The following SLC22A9 variants were observed in gnomAD, a reference collection of about 807,000 sequenced individuals.
The protein encoded by SLC22A9 is solute carrier family 22 member 9, also known as organic anion transporter 7.
In SLC22A9, 64 loss-of-function variants were observed where a neutral mutation model predicts 50.1. That is an observed-to-expected ratio of 1.28 (90% CI 1.04 to 1.57). SLC22A9 has a LOEUF of 1.57. SLC22A9 is among the 40% of genes most tolerant of loss of function. The pLI, the probability that SLC22A9 is intolerant of heterozygous loss-of-function variation, is 0.00. For synonymous variants in SLC22A9, 261 were observed against 242.5 expected, an observed-to-expected ratio of 1.08 and a Z score of -0.71; for missense variants, 757 against 676.1, an observed-to-expected ratio of 1.12 and a Z score of -1.33.
intron 6 of SLC22A9, among the ~76,000 whole-genome samples, chr11:63,382,579 G>T (rs558406605): frequency 6.6e-6 from 1 of 152,118 alleles, no homozygotes; most frequent in Non-Finnish European, 1.5e-5. Flanking sequence ...TTTGTTTCCA[G>T]TTTTAATGAG....
chr11:63,397,092 A>AC (rs2014872639), intron 6 of SLC22A9, among the ~76,000 whole-genome samples: 1 of 152,146 alleles, frequency 6.6e-6, no homozygotes, highest in Non-Finnish European at 1.5e-5. Flanking sequence ...ATTAGGAGGG[A>AC]CCCCAAGGCC....
Position 63,406,407 on chromosome 11 carries a change from T to G in SLC22A9, c.1074-90T>G. 3 of 1,160,746 alleles carry G rather than the reference T, an allele frequency of 2.6e-6. No homozygotes were observed. In the Admixed American group the frequency reaches 6.1e-5, roughly 24 times the overall value. The allele number at this position is 1,160,746 out of a possible 1,614,324, so 71.9% of individuals were successfully genotyped here. On this transcript the variant is annotated intron_variant, in intron 6 of 9. Transcript: ENST00000279178. Reference sequence around the variant, plus strand: ...AGACCCAGCCTTTATACTTTAACAATCCCTAGCTGCCTGGGCCAATATTAT... The same window carrying G: ...AGACCCAGCCTTTATACTTTAACAAGCCCTAGCTGCCTGGGCCAATATTAT...
At chr11:63,407,326 C>A (rs1310542886) in intron 7 of SLC22A9, among the ~76,000 whole-genome samples, 1 of 152,122 alleles carries the variant, frequency 6.6e-6, no homozygotes, top group Non-Finnish European at 1.5e-5. Context: ...ATTAACTGAT[C>A]ATATGTAATA....
chr11:63,382,067 ACTCACTT>A (rs1178072581), intron 5 of SLC22A9, 85 bp from the exon 6 acceptor site: 1 of 802,432 alleles, frequency 1.2e-6, no homozygotes, highest in Non-Finnish European at 2.0e-6. Context: ...AGTGCAGTCA[ACTCACTT>A]CTCATCTGTG....
chr11:63,381,779 A>C (rs1773808863), intron 5 of SLC22A9, among the ~76,000 whole-genome samples: 1 of 152,136 alleles, frequency 6.6e-6, no homozygotes, highest in African/African-American at 2.4e-5. Context: ...CTGAGAACCA[A>C]TGTCCACGTC....
intron 6 of SLC22A9, among the ~76,000 whole-genome samples, chr11:63,382,644 C>T (rs917057577): frequency 6.6e-6 from 1 of 151,936 alleles, no homozygotes; most frequent in Admixed American, 6.6e-5. Flanking sequence ...TGATTATTTC[C>T]ATATTTTGAT....
At chr11:63,388,069 T>TG (rs1437033908) in intron 6 of SLC22A9, among the ~76,000 whole-genome samples, 1 of 152,052 alleles carries the variant, frequency 6.6e-6, no homozygotes, top group African/African-American at 2.4e-5. Flanking sequence ...AGCTTTGTGG[T>TG]GGGGTCTTTA....
intron 5 of SLC22A9, among the ~76,000 whole-genome samples, chr11:63,375,979 A>T (rs1314875366): frequency 1.3e-5 from 2 of 152,126 alleles, no homozygotes; most frequent in African/African-American, 4.8e-5. Flanking sequence ...TGAGACACAG[A>T]TATTTTACTC....
chr11:63,408,306 T>C (rs1022666586), intron 8 of SLC22A9, 86 bp downstream of exon 8: 12 of 1,016,360 alleles, frequency 1.2e-5, no homozygotes, highest in African/African-American at 3.2e-5. Context: ...AATCTAAGAC[T>C]GGTTCATTAA....
At chr11:63,388,960 A>G (rs1245745177) in intron 6 of SLC22A9, among the ~76,000 whole-genome samples, 1 of 152,012 alleles carries the variant, frequency 6.6e-6, no homozygotes. Flanking sequence ...ACTTATTGGC[A>G]TATAGTTGTT....
At position 63,375,731 on chromosome 11, in the gene SLC22A9, G is replaced by C. The variant is rs1801518; in HGVS notation, c.917G>C (p.Ser306Thr). 1 of 1,612,712 alleles carries C rather than the reference G, an allele frequency of 6.2e-7. No individual in the cohort carries two copies. The change falls in exon 5 of 10, where the codon AGT becomes ACT. Residue 306 changes from serine to threonine, a missense_variant. Physicochemically the swap from Ser to Thr is moderately conservative, Grantham distance 58. Transcript: ENST00000279178. ...GAACTTAGAAAAGCTGCACACAGGAGTGGAATGAAGAATGCCAGAGACACC... is the reference window on the plus strand; with the variant it reads ...GAACTTAGAAAAGCTGCACACAGGACTGGAATGAAGAATGCCAGAGACACC... The part of the protein sequence containing the change: ...LKELRKAAHR[S>T]GMKNARDTLT...
In SLC22A9 at chr11:63,369,983, A is replaced by C. The variant is rs184531015; in HGVS notation, c.-74A>C. Reference sequence around the variant, plus strand: ...ACATTTAGTGTGACTTAGGGAAAGAAAACATTTTCCCTCTTTGAACCTCTC... The same window carrying C: ...ACATTTAGTGTGACTTAGGGAAAGACAACATTTTCCCTCTTTGAACCTCTC... On this transcript the variant is annotated 5_prime_UTR_variant, in exon 1 of 10. Transcript: ENST00000279178. The C allele has an allele frequency of 7.6e-6, 11 of 1,440,070 alleles. No homozygotes were observed. The highest frequency in any genetic ancestry group is 9.4e-6 in the Non-Finnish European group (10 of 1,062,000). The allele number at this position is 1,440,070 out of a possible 1,614,324, so 89.2% of individuals were successfully genotyped here.
chr11:63,408,644 A>G (rs1233349096), intron 8 of SLC22A9, 32 bp from the exon 9 acceptor site: 2 of 1,582,744 alleles, frequency 1.3e-6, no homozygotes, highest in African/African-American at 1.3e-5. Flanking sequence ...GATTTTTAAC[A>G]GATATTCTTG....
At chr11:63,388,028 A>C (rs550608021) in intron 6 of SLC22A9, among the ~76,000 whole-genome samples, 1 of 152,128 alleles carries the variant, frequency 6.6e-6, no homozygotes, top group Non-Finnish European at 1.5e-5. Context: ...TGTATCCTGC[A>C]ACTTTACTGA....
intron 6 of SLC22A9, among the ~76,000 whole-genome samples, chr11:63,393,620 A>T (rs2014802368): frequency 6.6e-6 from 1 of 152,074 alleles, no homozygotes; most frequent in Non-Finnish European, 1.5e-5. Flanking sequence ...TTTTGCTGAG[A>T]GTTTTAATTA....
At position 63,408,120 on chromosome 11, in the gene SLC22A9, A is replaced by G. The variant is rs769241754; in HGVS notation, c.1297A>G (p.Thr433Ala). ...GTTCTTCCTTTCTCCAGAAATGCAG[A>G]CGCTGCGTGAGGTTTTGGCAACACT... ...AIIFVPQEMQTLREVLATLGL... is the reference protein window; with the variant it reads ...AIIFVPQEMQALREVLATLGL... Residue 433 changes from threonine to alanine, a missense_variant, in exon 8 of 10, where the codon ACG becomes GCG. By Grantham distance (58) the Thr-to-Ala change is moderately conservative. Transcript: ENST00000279178. The G allele has an allele frequency of 1.3e-5, 21 of 1,613,348 alleles. 1 individual carries two copies. The South Asian group carries it at 2.3e-4, about 18-fold the overall frequency.
At position 63,410,257 on chromosome 11, in the gene SLC22A9, A is replaced by AAAAAAAAAAAAAGAAAGAAAG; in HGVS notation, c.*398_*399insAAAAAAAAAGAAAGAAAGAAA. ...CTGTCTCAAAAAAAAAAAAAAAAAA[A>AAAAAAAAAAAAAGAAAGAAAG]AAAGAAAGAAGGAAAGAAAGAAAGA... On this transcript the variant is annotated 3_prime_UTR_variant, in exon 10 of 10. Transcript: ENST00000279178. 1 of 108,468 alleles carries AAAAAAAAAAAAAGAAAGAAAG rather than the reference A, an allele frequency of 9.2e-6. No individual in the cohort carries two copies. Among genetic ancestry groups the AAAAAAAAAAAAAGAAAGAAAG allele is most frequent in the African/African-American group, 4.4e-5 (1 of 22,620 alleles). The allele number at this position is 108,468 out of a possible 1,614,324, so 6.7% of individuals were successfully genotyped here.
rs151219699 is a variant in SLC22A9 at position 63,370,242 on chromosome 11, T to C, written c.186T>C (p.Asn62=). ...HILDNDTVSD[N]DTGALSQDAL... ...TGGACAATGACACTGTCTCTGACAA[T>C]GACACTGGGGCCCTCAGCCAAGATG... is the stretch of plus-strand genomic sequence containing the variant. Residue 62 remains asparagine (N), a synonymous_variant, in exon 1 of 10, where the codon AAT becomes AAC. Coordinates refer to ENST00000279178, the MANE Select transcript of SLC22A9 (RefSeq NM_080866.3). 1.3e-4 allele frequency: 207 copies of C among 1,613,946 alleles called. No individual in the cohort carries two copies. Among genetic ancestry groups the C allele is most frequent in the Non-Finnish European group, 1.6e-4 (183 of 1,179,930 alleles).
At chr11:63,407,989 G>T in intron 7 of SLC22A9, 123 bp from the exon 8 acceptor site, 1 of 682,660 alleles carries the variant, frequency 1.5e-6, no homozygotes, top group Non-Finnish European at 2.5e-6. Flanking sequence ...CCTCTATGCA[G>T]TTTCCCTACA....
Sources: gnomAD v4.1 joint callset for allele counts (sites outside exome capture counted in the v4.1 genomes callset) on GRCh38, gnomAD v4.1.1 for gene constraint, MANE v1.5 for transcripts, NCBI Gene and HGNC (gene_info 2026-07-23, HGNC 2026-07-21) for gene names.